Variants in RELN observed in about 807,000 individuals in gnomAD.
RELN encodes the protein reelin.
A neutral mutation model predicts 427.6 loss-of-function variants in RELN; 108 were observed. That is an observed-to-expected ratio of 0.25 (90% confidence interval 0.22 to 0.30). The LOEUF (loss-of-function observed/expected upper bound fraction) is 0.30. RELN is among the 10% of genes least tolerant of loss of function. The pLI, the probability that RELN is intolerant of heterozygous loss-of-function variation, is 1.00. For synonymous variants in RELN, 1,524 were observed against 1,513.4 expected (o/e 1.01, Z -0.16); for missense variants, 3,715 against 4,302.8 (o/e 0.86, Z 3.82).
chr7:103,752,909 G>A (rs764070823), intron 5 of RELN, among the ~76,000 whole-genome samples: 18 of 152,160 alleles, frequency 1.2e-4, no homozygotes, highest in Non-Finnish European at 1.2e-4. Context: ...TTAAGCATTA[G>A]AATGCAAAAG....
At chr7:103,884,128 C>CACATCT (rs1332696343) in intron 2 of RELN, among the ~76,000 whole-genome samples, 1 of 152,092 alleles carries the variant, frequency 6.6e-6, no homozygotes, top group East Asian at 1.9e-4. Flanking sequence ...AATAATGCCA[C>CACATCT]ACATCTACAA....
intron 24 of RELN, among the ~76,000 whole-genome samples, chr7:103,600,630 C>T (rs907693333): frequency 6.6e-6 from 1 of 152,114 alleles, no homozygotes; most frequent in Non-Finnish European, 1.5e-5. Flanking sequence ...CAAATTTCTC[C>T]CTTTTTTTTA....
chr7:103,604,545 G>T, intron 22 of RELN, 62 bp from the exon 23 acceptor site: 2 of 1,549,022 alleles, frequency 1.3e-6, no homozygotes, highest in Non-Finnish European at 1.8e-6. Context: ...CATTGGCAAA[G>T]AATGTCAGAG....
rs544906913 is a variant in RELN at position 103,486,384 on chromosome 7, G to C, written c.9796C>G (p.Pro3266Ala). ...TCAAAATTATCTTTAATATAACTGG[G>C]AAGGTCGTGACTGAAAACAGAGCAG... ...DDCSVFSHDL[P>A]SYIKDNFESA... The change falls in exon 61 of 65, where the codon CCC becomes GCC. Residue 3266 changes from proline to alanine, a missense_variant. Physicochemically the swap from Pro to Ala is conservative, Grantham distance 27. Transcript: ENST00000428762. The C allele has an allele frequency of 6.2e-7, 1 of 1,614,106 alleles. No individual in the cohort carries two copies. Among genetic ancestry groups the C allele is most frequent in the East Asian group, 2.2e-5 (1 of 44,886 alleles).
At chr7:103,808,523 A>G (rs1792657060) in intron 3 of RELN, among the ~76,000 whole-genome samples, 1 of 152,062 alleles carries the variant, frequency 6.6e-6, no homozygotes, top group Admixed American at 6.6e-5. Flanking sequence ...AATCTGTATT[A>G]TGAAAGAGAT....
At chr7:103,606,246 T>C (rs951928891) in intron 22 of RELN, among the ~76,000 whole-genome samples, 12 of 152,190 alleles carry the variant, frequency 7.9e-5, no homozygotes, top group African/African-American at 2.4e-5. Context: ...TTAGTCTCCA[T>C]AGTTTGCACA....
rs781770780 is a variant in RELN, at chr7:103,561,919, T to G, written c.5245A>C (p.Asn1749His). Reference protein sequence around the residue: ...PRTRFRWIQANYTVGADSWAI... With the variant: ...PRTRFRWIQAHYTVGADSWAI... Reference sequence around the variant, plus strand: ...CAGGAATCAGCCCCCACAGTGTAGTTGGCCTGAATCCATCTGAACCGGGTC... The same window carrying G: ...CAGGAATCAGCCCCCACAGTGTAGTGGGCCTGAATCCATCTGAACCGGGTC... Residue 1749 changes from asparagine (N) to histidine (H), a missense_variant, in exon 35 of 65, where the codon AAC (asparagine) becomes CAC (histidine). Coordinates refer to ENST00000428762, the MANE Select transcript of RELN (RefSeq NM_005045.4). 3.2e-6 allele frequency: 5 copies of G among 1,579,922 alleles called. No homozygotes were observed. The South Asian group carries it at 5.5e-5, about 17-fold the overall frequency.
At chr7:103,769,535 C>T (rs538555578) in intron 4 of RELN, among the ~76,000 whole-genome samples, 73 of 152,332 alleles carry the variant, frequency 4.8e-4, no homozygotes, top group Non-Finnish European at 8.2e-4. Context: ...GAGTCTGTGG[C>T]ACTCTGTTAT....
intron 8 of RELN, among the ~76,000 whole-genome samples, chr7:103,710,489 A>G (rs561981051): frequency 6.6e-6 from 1 of 152,368 alleles, no homozygotes; most frequent in South Asian, 2.1e-4. Flanking sequence ...TAATGATGAT[A>G]CACTATTTAA....
chr7:103,705,752 C>G (rs545271417), intron 8 of RELN, among the ~76,000 whole-genome samples: 1 of 152,282 alleles, frequency 6.6e-6, no homozygotes, highest in South Asian at 2.1e-4. Flanking sequence ...AACTTCAAAG[C>G]TGTGTGGCCT....
At chr7:103,733,308 G>A (rs1790403068) in intron 6 of RELN, among the ~76,000 whole-genome samples, 1 of 150,408 alleles carries the variant, frequency 6.6e-6, no homozygotes, top group East Asian at 2.0e-4. Context: ...TGGAGAGGAT[G>A]TGGAGAAATA....
At chr7:103,541,804 A>T (rs1830182508) in intron 43 of RELN, among the ~76,000 whole-genome samples, 1 of 152,236 alleles carries the variant, frequency 6.6e-6, no homozygotes, top group Non-Finnish European at 1.5e-5. Context: ...AGGAACATCA[A>T]ATTAAACTAT....
At chr7:103,840,372 G>C (rs1412246779) in intron 2 of RELN, among the ~76,000 whole-genome samples, 3 of 152,220 alleles carry the variant, frequency 2.0e-5, no homozygotes, top group African/African-American at 4.8e-5. Context: ...CAAAGCAGTA[G>C]AGCATAATCC....
intron 1 of RELN, among the ~76,000 whole-genome samples, chr7:103,950,834 CT>C (rs1159696750): frequency 2.0e-5 from 3 of 152,140 alleles, no homozygotes; most frequent in Non-Finnish European, 4.4e-5. Flanking sequence ...TGAAACATTA[CT>C]GAAAATAAAA....
At chr7:103,641,762 C>T (rs1832698753) in intron 16 of RELN, among the ~76,000 whole-genome samples, 1 of 152,134 alleles carries the variant, frequency 6.6e-6, no homozygotes. Context: ...CCCTCCTGTC[C>T]TGTTGCTTTG....
chr7:103,566,139 C>G (rs1399236252), intron 33 of RELN, 85 bp downstream of exon 33: 14 of 1,224,992 alleles, frequency 1.1e-5, no homozygotes, highest in Admixed American at 1.8e-5. Context: ...CACGGTTTTG[C>G]ATTAGAAAGT....
intron 13 of RELN, among the ~76,000 whole-genome samples, 156 bp downstream of exon 13, chr7:103,653,936 TA>T (rs1435496489): frequency 6.6e-6 from 1 of 152,054 alleles, no homozygotes; most frequent in Non-Finnish European, 1.5e-5. Context: ...ATATGAAGGT[TA>T]AAATGTCTAT....
intron 1 of RELN, among the ~76,000 whole-genome samples, chr7:103,947,950 T>C (rs1422690713): frequency 6.6e-6 from 1 of 152,166 alleles, no homozygotes; most frequent in African/African-American, 2.4e-5. Flanking sequence ...TTTTTTAAAA[T>C]AAGCTAATTT....
intron 1 of RELN, among the ~76,000 whole-genome samples, chr7:103,967,553 C>G (rs1404737501): frequency 6.6e-6 from 1 of 152,128 alleles, no homozygotes. Context: ...TTTCAAGACA[C>G]AATTCTCCAC....
Sources: allele counts gnomAD v4.1 joint callset (sites outside exome capture counted in the v4.1 genomes callset), GRCh38; gene constraint gnomAD v4.1.1; transcripts MANE v1.5; gene names NCBI Gene and HGNC (gene_info 2026-07-23, HGNC 2026-07-21).